The following CAND2 variants were observed in gnomAD, a reference collection of about 807,000 sequenced individuals.
CAND2 encodes cullin associated and neddylation dissociated 2 (putative), also known as cullin-associated NEDD8-dissociated protein 2.
A neutral mutation model predicts 98.9 loss-of-function variants in CAND2; 62 were observed. The ratio of observed to expected loss-of-function variants is 0.63; its 90% CI spans 0.51 to 0.77. The LOEUF (loss-of-function observed/expected upper bound fraction) is 0.77. Among genes scored for constraint, CAND2 ranks in the 30% least tolerant of loss-of-function variants. The probability of loss-of-function intolerance (pLI) is 0.00; values close to 1 mark genes in which losing one functional copy is unlikely to be tolerated. For synonymous variants in CAND2, 770 were observed against 731.9 expected, an observed-to-expected ratio of 1.05 and a Z score of -0.84; for missense variants, 1,501 against 1,655.2, an observed-to-expected ratio of 0.91 and a Z score of 1.62.
intron 12 of CAND2, 67 bp from the exon 13 acceptor site, chr3:12,827,373 T>C: frequency 6.8e-7 from 1 of 1,460,410 alleles, no homozygotes; most frequent in South Asian, 1.3e-5. Flanking sequence ...GTGGGGTTTG[T>C]AGCAGAAGCT....
chr3:12,818,797 G>C (rs138557635), intron 10 of CAND2, among the ~76,000 whole-genome samples: 1 of 152,354 alleles, frequency 6.6e-6, no homozygotes, highest in East Asian at 1.9e-4. Context: ...TTCTTGGGTT[G>C]CTGGGTTCGT....
chr3:12,831,637 C>G (rs886394911), intron 14 of CAND2, 65 bp downstream of exon 14: 1 of 954,312 alleles, frequency 1.0e-6, no homozygotes. Flanking sequence ...GCCAGTCGTT[C>G]AGTTACCCTT....
At chr3:12,800,660 T>TGTAGG (rs2061758976) in intron 1 of CAND2, among the ~76,000 whole-genome samples, 1 of 152,208 alleles carries the variant, frequency 6.6e-6, no homozygotes, top group Non-Finnish European at 1.5e-5. Context: ...CACCAGGGAT[T>TGTAGG]GTAGGCCCCG....
chr3:12,798,003 C>T (rs945081975), intron 1 of CAND2, among the ~76,000 whole-genome samples: 1 of 152,152 alleles, frequency 6.6e-6, no homozygotes, highest in Non-Finnish European at 1.5e-5. Context: ...CAGCTGCCGT[C>T]ACTCACTGGC....
chr3:12,815,780 A>T lies in CAND2; in HGVS notation c.1300-87A>T, dbSNP rs1286892795. On this transcript the variant is annotated intron_variant, in intron 8 of 14. Transcript: ENST00000456430. The surrounding 1 kb of genome is among the most constrained non-coding windows in gnomAD (Gnocchi z 5.7). ...CTTGATGCCGACATCCTCCCTGGGG[A>T]TGTGTCTGGCAAAGCCTCCTGGTAG... is the stretch of plus-strand genomic sequence containing the variant. The T allele has an allele frequency of 3.1e-6, 4 of 1,278,234 alleles. No homozygotes were observed. The highest frequency in any genetic ancestry group is 2.7e-4 in the Middle Eastern group (1 of 3,772). 79.2% of individuals were successfully genotyped at this position (1,278,234 alleles called of 1,614,324 possible). A position where few individuals can be genotyped will look rare whatever the true frequency, so the allele number is the denominator to read the frequency against.
At chr3:12,803,658 A>G in intron 2 of CAND2, 27 bp downstream of exon 2, 1 of 1,575,768 alleles carries the variant, frequency 6.3e-7, no homozygotes, top group Non-Finnish European at 8.6e-7. Flanking sequence ...GTGGAGCAGG[A>G]GAGGGGGCCC....
At position 12,816,401 on chromosome 3, in the gene CAND2, C is replaced by G. The variant is rs1185561299; in HGVS notation, c.1469C>G (p.Ser490Cys). 2.5e-6 allele frequency: 4 copies of G among 1,613,210 alleles called. No individual in the cohort carries two copies. Among genetic ancestry groups the G allele is most frequent in the Non-Finnish European group, 3.4e-6 (4 of 1,179,818 alleles). Residue 490 changes from serine to cysteine, a missense_variant, in exon 10 of 15, where the codon TCC (serine) becomes TGC (cysteine). Ser to Cys is a moderately radical substitution (Grantham distance 112, BLOSUM62 -1). Transcript: ENST00000456430. ...SGIIFSLADRSSSSTIRMDAL... is the reference protein window; with the variant it reads ...SGIIFSLADRCSSSTIRMDAL... ...ATCATCTTCTCGCTGGCCGACCGCT[C>G]CAGCTCCTCCACCATCCGGATGGAT...
At chr3:12,828,335 TG>T (rs1440762439) in intron 13 of CAND2, among the ~76,000 whole-genome samples, 2 of 142,130 alleles carry the variant, frequency 1.4e-5, no homozygotes, top group African/African-American at 5.6e-5. Context: ...GCAGGTGAAG[TG>T]TTTTTTTTTT....
intron 12 of CAND2, among the ~76,000 whole-genome samples, chr3:12,826,544 C>T (rs1291274682): frequency 6.6e-6 from 1 of 152,060 alleles, no homozygotes; most frequent in East Asian, 1.9e-4. Context: ...CCTCCCACCT[C>T]AGCCTCCTGA....
At chr3:12,833,273 C>T (rs370662953) in intron 14 of CAND2, among the ~76,000 whole-genome samples, 3 of 152,194 alleles carry the variant, frequency 2.0e-5, no homozygotes, top group Non-Finnish European at 1.5e-5. Flanking sequence ...GGTGCTTACA[C>T]TCCGGCTGCA....
intron 11 of CAND2, among the ~76,000 whole-genome samples, chr3:12,822,887 T>C (rs6442333): frequency 0.73 from 110,432 of 152,088 alleles, 41,180 homozygotes; most frequent in African/African-American, 0.9. Flanking sequence ...TGCACACCCA[T>C]GCACATCTTT....
At chr3:12,832,225 G>C (rs2062059082) in intron 14 of CAND2, 1 of 152,250 alleles carries the variant, frequency 6.6e-6, no homozygotes, top group Admixed American at 6.5e-5. Flanking sequence ...GAAATCTTCT[G>C]TGGATAAAAC....
Position 12,817,955 on chromosome 3 carries a change from G to T in CAND2, c.2944+79G>T, listed in dbSNP as rs1395523403. 3.8e-6 allele frequency: 5 copies of T among 1,324,874 alleles called. No homozygotes were observed. In the African/African-American group the frequency reaches 7.4e-5, roughly 19 times the overall value. 82.1% of individuals were successfully genotyped at this position (1,324,874 alleles called of 1,614,324 possible). A position where few individuals can be genotyped will look rare whatever the true frequency, so the allele number is the denominator to read the frequency against. Reference sequence around the variant, plus strand: ...ACTGAGCATCCAGGCAGCTGGGGCAGAGTGAGCTATTTCAAGTCACTGGAT... The same window carrying T: ...ACTGAGCATCCAGGCAGCTGGGGCATAGTGAGCTATTTCAAGTCACTGGAT... On this transcript the variant is annotated intron_variant, in intron 10 of 14. Coordinates refer to ENST00000456430, the MANE Select transcript of CAND2 (RefSeq NM_001162499.2).
intron 13 of CAND2, 67 bp from the exon 14 acceptor site, chr3:12,831,398 C>G (rs2062052662): frequency 3.8e-6 from 5 of 1,331,956 alleles, no homozygotes; most frequent in Non-Finnish European, 5.3e-6. Context: ...TCTGCTCTTT[C>G]CCAGGGCTGG....
chr3:12,803,742 G>GGTCTC, intron 2 of CAND2, 111 bp downstream of exon 2: 1 of 923,428 alleles, frequency 1.1e-6, no homozygotes, highest in South Asian at 2.3e-5. Context: ...CTGCTGAGCA[G>GGTCTC]CTCTCGTTGA....
chr3:12,806,352 C>A (rs1418112671), intron 2 of CAND2, among the ~76,000 whole-genome samples: 3 of 152,158 alleles, frequency 2.0e-5, no homozygotes, highest in African/African-American at 7.2e-5. Flanking sequence ...TTGCAGTCAC[C>A]TGAAGCTCTT....
intron 12 of CAND2, among the ~76,000 whole-genome samples, chr3:12,827,175 G>A (rs1034408406): frequency 3.9e-5 from 6 of 152,162 alleles, no homozygotes; most frequent in African/African-American, 1.2e-4. Flanking sequence ...TGAATGAAAC[G>A]TCATCAGTCA....
At chr3:12,799,485 C>T (rs151144319) in intron 1 of CAND2, among the ~76,000 whole-genome samples, 13 of 152,268 alleles carry the variant, frequency 8.5e-5, no homozygotes, top group East Asian at 3.9e-4. Flanking sequence ...TTGCTTTCTC[C>T]GAGAGCTAGT....
At chr3:12,832,509 T>C (rs1219151508) in intron 14 of CAND2, 1 of 152,198 alleles carries the variant, frequency 6.6e-6, no homozygotes, top group African/African-American at 2.4e-5. Context: ...GAGCCACTCA[T>C]CTGGCCACGC....
Sources: gnomAD v4.1 joint callset for allele counts (sites outside exome capture counted in the v4.1 genomes callset) on GRCh38, gnomAD v4.1.1 for gene constraint, Gnocchi (gnomAD v3.1) non-coding constraint, MANE v1.5 for transcripts, NCBI Gene and HGNC (gene_info 2026-07-23, HGNC 2026-07-21) for gene names.